ZC3H18: variants seen among roughly 807,000 people sequenced by gnomAD.
ZC3H18 encodes zinc finger CCCH-type containing 18, also known as zinc finger CCCH domain-containing protein 18.
A neutral mutation model predicts 106.1 loss-of-function variants in ZC3H18; 8 were observed. That is an observed-to-expected ratio of 0.08 (90% confidence interval 0.04 to 0.14). The LOEUF (loss-of-function observed/expected upper bound fraction) is 0.14. ZC3H18 is among the 10% of genes least tolerant of loss of function. The probability of loss-of-function intolerance (pLI) is 1.00; values close to 1 mark genes in which losing one functional copy is unlikely to be tolerated. For synonymous variants in ZC3H18, 635 were observed against 522.1 expected, an observed-to-expected ratio of 1.22 and a Z score of -2.95; for missense variants, 1,318 against 1,278.4, an observed-to-expected ratio of 1.03 and a Z score of -0.47.
chr16:88,600,952 A>C (rs764613881), intron 6 of ZC3H18, among the ~76,000 whole-genome samples: 7 of 152,268 alleles, frequency 4.6e-5, no homozygotes, highest in Non-Finnish European at 7.3e-5. Flanking sequence ...AGGGAATCAT[A>C]ATCACTATGA....
At chr16:88,586,837 T>TGGC (rs1915470329) in intron 3 of ZC3H18, 153 bp downstream of exon 3, 6 of 621,446 alleles carry the variant, frequency 9.7e-6, no homozygotes, top group South Asian at 1.8e-5. Flanking sequence ...GTGGTGGTGG[T>TGGC]GGCAATATTG....
intron 10 of ZC3H18, 186 bp downstream of exon 10, chr16:88,623,530 G>A (rs975217505): frequency 6.5e-6 from 5 of 768,076 alleles, no homozygotes; most frequent in Admixed American, 3.0e-5. Context: ...GCGGGCCCTC[G>A]TCCTTGTGTA....
rs760028906 is a variant in ZC3H18 at position 88,608,973 on chromosome 16, T to G, written c.1128T>G (p.Ile376Met). 26 of 1,613,852 alleles carry G rather than the reference T, an allele frequency of 1.6e-5. No individual in the cohort carries two copies. Among genetic ancestry groups the G allele is most frequent in the African/African-American group, 2.7e-5 (2 of 74,908 alleles). ...CAGACCCTTATTATGACTATGAAAT[T>G]GAGCGGTTTTGGCGTGGCGGACAGT... ...PYADPYYDYE[I>M]ERFWRGGQYE... Residue 376 changes from isoleucine to methionine, a missense_variant, in exon 7 of 18, where the codon ATT (isoleucine) becomes ATG (methionine). Around this residue, in one of 6 missense-constraint regions of ZC3H18, gnomAD observed 848 missense variants for 821.7 expected, o/e 1.03. Transcript: ENST00000301011.
intron 6 of ZC3H18, 63 bp downstream of exon 6, chr16:88,600,011 G>A (rs1904663533): frequency 6.3e-7 from 1 of 1,580,224 alleles, no homozygotes; most frequent in Non-Finnish European, 8.6e-7. Flanking sequence ...TCCGGAGAGA[G>A]CAGCCATGTG....
intron 8 of ZC3H18, among the ~76,000 whole-genome samples, chr16:88,617,025 G>A (rs1905654699): frequency 6.6e-6 from 1 of 152,180 alleles, no homozygotes; most frequent in African/African-American, 2.4e-5. Context: ...GGGTGCCATG[G>A]GTGTCCTGGG....
intron 5 of ZC3H18, among the ~76,000 whole-genome samples, chr16:88,599,319 C>A (rs778519346): frequency 6.6e-6 from 1 of 152,250 alleles, no homozygotes; most frequent in Non-Finnish European, 1.5e-5. Context: ...TCTAGGCCCA[C>A]GTTGGCCCCA....
At chr16:88,589,500 C>T (rs1027467218) in intron 3 of ZC3H18, among the ~76,000 whole-genome samples, 1 of 152,260 alleles carries the variant, frequency 6.6e-6, no homozygotes, top group Admixed American at 6.5e-5. Flanking sequence ...AGCACTGGCT[C>T]ATGCCACAAT....
intron 2 of ZC3H18, among the ~76,000 whole-genome samples, chr16:88,583,640 C>T (rs1053561986): frequency 3.9e-5 from 6 of 152,304 alleles, no homozygotes; most frequent in South Asian, 4.1e-4. Context: ...CCTTTATCCA[C>T]GTGTGTATTT....
At chr16:88,571,062 G>A (rs1287767410) in intron 1 of ZC3H18, among the ~76,000 whole-genome samples, 3 of 152,244 alleles carry the variant, frequency 2.0e-5, no homozygotes, top group Non-Finnish European at 4.4e-5. Flanking sequence ...ATTGCCCCAA[G>A]ACGCGCGCCG....
At chr16:88,593,673 C>T (rs865803067) in intron 3 of ZC3H18, among the ~76,000 whole-genome samples, 3 of 152,168 alleles carry the variant, frequency 2.0e-5, no homozygotes, top group African/African-American at 7.2e-5. Context: ...GTGCGCTCTC[C>T]GTGGAGCACA....
Position 88,570,910 on chromosome 16 carries a change from G to A in ZC3H18, c.-15+344G>A, listed in dbSNP as rs1413762582. ...GTGGCACATGTGTGCCGCCGGCTAA[G>A]GGGCGGTGAGAGGCGCCCAGATTCA... On this transcript the variant is annotated intron_variant, in intron 1 of 17. Coordinates refer to ENST00000301011, the MANE Select transcript of ZC3H18 (RefSeq NM_144604.4). Among the ~76,000 whole-genome samples, 7 of 152,276 alleles carry A rather than the reference G, an allele frequency of 4.6e-5. No individual in the cohort carries two copies. The East Asian group carries it at 1.3e-3, about 29-fold the overall frequency.
chr16:88,599,092 ACC>A (rs1376188813), intron 5 of ZC3H18, among the ~76,000 whole-genome samples: 3 of 152,150 alleles, frequency 2.0e-5, no homozygotes, highest in Non-Finnish European at 4.4e-5. Context: ...TCCAGGGCAT[ACC>A]CACTGTCTTC....
At position 88,617,852 on chromosome 16, in the gene ZC3H18, T is replaced by A. The variant is rs1204388697; in HGVS notation, c.1476-4345T>A. On this transcript the variant is annotated intron_variant, in intron 8 of 17. Transcript: ENST00000301011. ...TCCTGGGCCACCGCTTCATGCTCAG[T>A]TTTTTGGGCTGAGCCCTCTCATCTG... 2.3e-4 allele frequency among the ~76,000 whole-genome samples: 35 copies of A among 152,200 alleles called. 1 individual carries two copies. The highest frequency in any genetic ancestry group is 2.3e-3 in the Admixed American group (35 of 15,280).
At position 88,627,923 on chromosome 16, in the gene ZC3H18, A is replaced by C. The variant is rs761337158; in HGVS notation, c.2273A>C (p.Lys758Thr). ...ACTGCGGATTTATCATTGGTAGGAA[A>C]ATCTAAGAAAGAAGACGGTGTTAAA... is the stretch of plus-strand genomic sequence containing the variant. ...APAQTRKEKG[K>T]SKKEDGVKEE... Residue 758 changes from lysine (K) to threonine (T), a missense_variant, in exon 15 of 18, where the codon AAA becomes ACA. This residue lies in a region of ZC3H18 where 848 missense variants were observed against 821.7 expected (regional missense o/e 1.03). Coordinates refer to ENST00000301011, the MANE Select transcript of ZC3H18 (RefSeq NM_144604.4). The surrounding 1 kb of genome is among the most constrained non-coding windows in gnomAD (Gnocchi z 4.5). The C allele has an allele frequency of 6.2e-7, 1 of 1,614,008 alleles. No homozygotes were observed. The highest frequency in any genetic ancestry group is 8.5e-7 in the Non-Finnish European group (1 of 1,180,042).
chr16:88,587,302 T>G (rs1160410539), intron 3 of ZC3H18, among the ~76,000 whole-genome samples: 1 of 152,228 alleles, frequency 6.6e-6, no homozygotes, highest in Non-Finnish European at 1.5e-5. Flanking sequence ...GCTTTTTGTT[T>G]CGCTGCTTAA....
intron 8 of ZC3H18, among the ~76,000 whole-genome samples, chr16:88,614,982 G>A (rs1423071359): frequency 1.5e-5 from 2 of 136,604 alleles, no homozygotes; most frequent in South Asian, 2.3e-4. Flanking sequence ...TGTTCCCTCT[G>A]CCCAGATGGG....
chr16:88,575,549 G>A (rs537599893), intron 1 of ZC3H18, among the ~76,000 whole-genome samples: 3 of 152,162 alleles, frequency 2.0e-5, no homozygotes, highest in Admixed American at 6.5e-5. Context: ...AGGTGTTGCC[G>A]TTCTACACCT....
At chr16:88,591,648 G>A (rs1480950685) in intron 3 of ZC3H18, among the ~76,000 whole-genome samples, 2 of 152,338 alleles carry the variant, frequency 1.3e-5, no homozygotes, top group East Asian at 3.9e-4. Flanking sequence ...ATCTGTGGGT[G>A]GACACTTGGG....
intron 7 of ZC3H18, among the ~76,000 whole-genome samples, chr16:88,609,572 G>T (rs556360008): frequency 5.7e-4 from 86 of 151,520 alleles, no homozygotes; most frequent in African/African-American, 2.0e-3. Context: ...AGAGTGCTGG[G>T]ATTAAAGACA....
Sources: gnomAD v4.1 joint callset for allele counts (sites outside exome capture counted in the v4.1 genomes callset) on GRCh38, gnomAD v4.1.1 for gene constraint, gnomAD v4.1.1 regional missense constraint, Gnocchi (gnomAD v3.1) non-coding constraint, MANE v1.5 for transcripts, NCBI Gene and HGNC (gene_info 2026-07-23, HGNC 2026-07-21) for gene names.